RASA2: variants seen among roughly 807,000 people sequenced by gnomAD.
The protein encoded by RASA2 is RAS p21 protein activator 2.
In RASA2, 155 loss-of-function variants were observed where a neutral mutation model predicts 118.2. That is an observed-to-expected ratio of 1.31 (90% CI 1.15 to 1.50). The LOEUF is 1.50. RASA2 is among the 40% of genes most tolerant of loss of function. The pLI, the probability that RASA2 is intolerant of heterozygous loss-of-function variation, is 0.00. For missense variants in RASA2, 1,016 were observed against 1,009.6 expected (o/e 1.01, Z -0.09); for synonymous variants, 353 against 349.1 (o/e 1.01, Z -0.12).
chr3:141,606,219 C>T (rs1434697604), intron 19 of RASA2, among the ~76,000 whole-genome samples: 1 of 152,222 alleles, frequency 6.6e-6, no homozygotes, highest in Admixed American at 6.5e-5. Flanking sequence ...TAGACTATGG[C>T]TTCCTTCAGT....
At chr3:141,536,461 G>A (rs2082327101) in intron 4 of RASA2, among the ~76,000 whole-genome samples, 1 of 152,164 alleles carries the variant, frequency 6.6e-6, no homozygotes, top group East Asian at 1.9e-4. Context: ...CAGTACGAGA[G>A]TAGTGTAAGT....
At position 141,613,088 on chromosome 3, in the gene RASA2, A is replaced by C. The variant is rs2083676852; in HGVS notation, c.*775A>C. The C allele has an allele frequency of 6.6e-6, 1 of 152,216 alleles. No individual in the cohort carries two copies. Among genetic ancestry groups the C allele is most frequent in the Admixed American group, 6.5e-5 (1 of 15,284 alleles). The allele number at this position is 152,216 out of a possible 1,614,324, so 9.4% of individuals were successfully genotyped here. On this transcript the variant is annotated 3_prime_UTR_variant, in exon 24 of 24. Transcript: ENST00000286364. ...TGAAAGTTTAACATGACTTCTAAGG[A>C]CATCTCTTCAAAAAGAAAGTAAACA...
chr3:141,493,974 A>T (rs1205783617), intron 1 of RASA2, among the ~76,000 whole-genome samples: 1 of 152,172 alleles, frequency 6.6e-6, no homozygotes, highest in Non-Finnish European at 1.5e-5. Flanking sequence ...TAGCTTGAAG[A>T]TTTTTTCACA....
chr3:141,530,246 G>A (rs1560011719), intron 4 of RASA2, among the ~76,000 whole-genome samples: 1 of 152,024 alleles, frequency 6.6e-6, no homozygotes, highest in Non-Finnish European at 1.5e-5. Flanking sequence ...AGCCCACTGT[G>A]CACAGCCTTC....
chr3:141,589,823 A>G (rs1035811016), intron 19 of RASA2, among the ~76,000 whole-genome samples: 9 of 151,918 alleles, frequency 5.9e-5, no homozygotes, highest in African/African-American at 2.2e-4. Flanking sequence ...CCTGGGTAAC[A>G]GAATGAGGCT....
Position 141,580,084 on chromosome 3 carries a change from AAATATATATAT to A in RASA2, c.1591-282_1591-272del, listed in dbSNP as rs1313606060. On this transcript the variant is annotated intron_variant, in intron 15 of 23. Coordinates refer to ENST00000286364, the MANE Select transcript of RASA2 (RefSeq NM_006506.5). Reference sequence around the variant, plus strand: ...AAAAAAAAAAGAAAAAAAAAAAAAAAAATATATATATATATATATATATATATATATATGAC... The same window carrying A: ...AAAAAAAAAAGAAAAAAAAAAAAAAAATATATATATATATATATATATGAC... Among the ~76,000 whole-genome samples, 56 of 88,920 alleles carry A rather than the reference AAATATATATAT, an allele frequency of 6.3e-4. 1 individual carries two copies. The highest frequency in any genetic ancestry group is 2.5e-3 in the African/African-American group (50 of 19,778). The allele number at this position is 88,920 out of a possible 152,430, so 58.3% of individuals were successfully genotyped here.
At chr3:141,531,526 T>C (rs1342717994) in intron 4 of RASA2, among the ~76,000 whole-genome samples, 1 of 151,754 alleles carries the variant, frequency 6.6e-6, no homozygotes, top group Non-Finnish European at 1.5e-5. Flanking sequence ...GGTATGCATA[T>C]TTATAGATAT....
intron 19 of RASA2, among the ~76,000 whole-genome samples, chr3:141,602,078 G>A (rs758975622): frequency 6.6e-6 from 1 of 152,156 alleles, no homozygotes; most frequent in Non-Finnish European, 1.5e-5. Context: ...CTGCTTTGAA[G>A]TCTTAGGCTG....
intron 4 of RASA2, among the ~76,000 whole-genome samples, chr3:141,537,808 T>C (rs1453772532): frequency 6.6e-6 from 1 of 152,170 alleles, no homozygotes; most frequent in African/African-American, 2.4e-5. Context: ...TCAATTCCAA[T>C]ATCTGCGTCT....
chr3:141,558,596 A>T (rs1029717649), intron 7 of RASA2, among the ~76,000 whole-genome samples: 2 of 152,136 alleles, frequency 1.3e-5, no homozygotes. Context: ...CAGTTTTCAG[A>T]TTTGTCTAAG....
At chr3:141,550,707 A>T (rs2082560970) in intron 5 of RASA2, among the ~76,000 whole-genome samples, 1 of 152,326 alleles carries the variant, frequency 6.6e-6, no homozygotes, top group East Asian at 1.9e-4. Flanking sequence ...GTCTACTTTG[A>T]TGAATCACAT....
At chr3:141,549,262 C>T (rs1186369209) in intron 5 of RASA2, among the ~76,000 whole-genome samples, 1 of 152,038 alleles carries the variant, frequency 6.6e-6, no homozygotes, top group Non-Finnish European at 1.5e-5. Context: ...TCAGTTATGC[C>T]TTCTTTTTCT....
At chr3:141,588,762 G>A (rs1034798466) in intron 19 of RASA2, among the ~76,000 whole-genome samples, 3 of 152,086 alleles carry the variant, frequency 2.0e-5, no homozygotes, top group African/African-American at 7.2e-5. Context: ...ATATTACTCA[G>A]ATAATTTGTT....
intron 19 of RASA2, among the ~76,000 whole-genome samples, chr3:141,601,689 G>C (rs931238649): frequency 6.6e-6 from 1 of 151,994 alleles, no homozygotes; most frequent in Non-Finnish European, 1.5e-5. Context: ...AATTTTTCAA[G>C]AGCTTGTTGG....
intron 4 of RASA2, among the ~76,000 whole-genome samples, chr3:141,530,699 T>G (rs1475439667): frequency 6.6e-6 from 1 of 152,160 alleles, no homozygotes; most frequent in East Asian, 1.9e-4. Flanking sequence ...GATTAATTAT[T>G]AAATTCTCAA....
intron 19 of RASA2, among the ~76,000 whole-genome samples, chr3:141,588,367 C>T (rs75871690): frequency 6.6e-6 from 1 of 152,066 alleles, no homozygotes; most frequent in Non-Finnish European, 1.5e-5. Context: ...ATATAGTAAG[C>T]AAAACAGCCT....
At chr3:141,575,788 G>T (rs975905417) in intron 14 of RASA2, among the ~76,000 whole-genome samples, 7 of 151,880 alleles carry the variant, frequency 4.6e-5, no homozygotes, top group African/African-American at 1.7e-4. Flanking sequence ...GGTTTTTTTG[G>T]GTTTTGTTTT....
At chr3:141,554,890 G>GT (rs549464366) in intron 6 of RASA2, among the ~76,000 whole-genome samples, 124 of 151,902 alleles carry the variant, frequency 8.2e-4, no homozygotes, top group African/African-American at 2.7e-3. Context: ...AGCTATTTTT[G>GT]TTTTTTTTAA....
intron 1 of RASA2, among the ~76,000 whole-genome samples, chr3:141,496,004 T>C (rs1450133455): frequency 1.3e-5 from 2 of 152,226 alleles, no homozygotes; most frequent in Non-Finnish European, 2.9e-5. Context: ...CTTTTCTGCA[T>C]GTAGATGGAT....
Sources: allele counts gnomAD v4.1 joint callset (sites outside exome capture counted in the v4.1 genomes callset), GRCh38; gene constraint gnomAD v4.1.1; transcripts MANE v1.5; gene names NCBI Gene and HGNC (gene_info 2026-07-23, HGNC 2026-07-21).